Variants in AUTS2 observed in about 807,000 individuals in gnomAD.
AUTS2 encodes activator of transcription and developmental regulator AUTS2.
In AUTS2, 17 loss-of-function variants were observed where a neutral mutation model predicts 112.4. That is an observed-to-expected ratio of 0.15 (90% CI 0.10 to 0.23). The LOEUF is 0.23. AUTS2 is among the 10% of genes least tolerant of loss of function. The pLI is 1.00. For missense variants in AUTS2, 1,510 were observed against 1,701.6 expected (o/e 0.89, Z 1.98); for synonymous variants, 751 against 702.7 (o/e 1.07, Z -1.09).
intron 6 of AUTS2, among the ~76,000 whole-genome samples, chr7:70,725,277 A>T (rs16869191): frequency 0.026 from 3,982 of 152,276 alleles, 203 homozygotes; most frequent in African/African-American, 0.088. Flanking sequence ...GGGAAGGTCC[A>T]TTGTCAGCAC....
chr7:70,125,213 C>A (rs967808313), intron 3 of AUTS2, among the ~76,000 whole-genome samples: 2 of 150,808 alleles, frequency 1.3e-5, no homozygotes, highest in African/African-American at 2.4e-5. Context: ...ATAAACATTA[C>A]TCATTTTGGG....
At chr7:70,577,849 G>C (rs965816233) in intron 5 of AUTS2, among the ~76,000 whole-genome samples, 1 of 141,888 alleles carries the variant, frequency 7.0e-6, no homozygotes, top group African/African-American at 2.7e-5. Flanking sequence ...TTTATTTTTT[G>C]AGATGGAGTC....
intron 6 of AUTS2, among the ~76,000 whole-genome samples, chr7:70,733,594 T>G (rs990404739): frequency 2.0e-5 from 3 of 147,896 alleles, no homozygotes; most frequent in Admixed American, 2.0e-4. Flanking sequence ...GTTAGTTTTT[T>G]GGGTTTTTTT....
At chr7:69,609,072 G>A (rs1393882778) in intron 1 of AUTS2, among the ~76,000 whole-genome samples, 1 of 152,162 alleles carries the variant, frequency 6.6e-6, no homozygotes. Context: ...TAGTGATGTA[G>A]TTCTACCTCT....
intron 1 of AUTS2, among the ~76,000 whole-genome samples, chr7:69,738,841 G>T (rs1787146740): frequency 1.3e-5 from 2 of 152,060 alleles, no homozygotes; most frequent in African/African-American, 2.4e-5. Flanking sequence ...ATTTAGCTCT[G>T]ATTCAGCTGC....
At chr7:69,972,918 A>G (rs184330249) in intron 2 of AUTS2, among the ~76,000 whole-genome samples, 46 of 152,294 alleles carry the variant, frequency 3.0e-4, no homozygotes, top group East Asian at 9.6e-4. Context: ...AAATTGCTTA[A>G]GATAAAATAG....
intron 4 of AUTS2, among the ~76,000 whole-genome samples, chr7:70,408,790 T>G (rs932127394): frequency 2.0e-5 from 3 of 152,200 alleles, no homozygotes; most frequent in Non-Finnish European, 2.9e-5. Context: ...CACACCTTGC[T>G]GTGGGCTTCC....
intron 5 of AUTS2, among the ~76,000 whole-genome samples, chr7:70,548,876 T>G (rs766739896): frequency 6.6e-6 from 1 of 151,974 alleles, no homozygotes; most frequent in African/African-American, 2.4e-5. Flanking sequence ...TTTGGCTTTG[T>G]GTCCTTTGCA....
intron 1 of AUTS2, among the ~76,000 whole-genome samples, chr7:69,747,007 G>A (rs1011184322): frequency 5.9e-5 from 9 of 152,260 alleles, no homozygotes; most frequent in East Asian, 1.9e-4. Flanking sequence ...TTTGAGTGTC[G>A]GAAAGATCGT....
chr7:69,776,104 G>A (rs1023684021), intron 1 of AUTS2, among the ~76,000 whole-genome samples: 2 of 152,148 alleles, frequency 1.3e-5, no homozygotes, highest in South Asian at 4.1e-4. Context: ...CGTGGTTATC[G>A]TCATCATATG....
chr7:69,827,908 T>C (rs1161159296), intron 1 of AUTS2, among the ~76,000 whole-genome samples: 1 of 152,202 alleles, frequency 6.6e-6, no homozygotes, highest in Non-Finnish European at 1.5e-5. Context: ...TCTTTTAATT[T>C]TGCCTCGTGT....
chr7:70,295,498 G>T (rs1406111864), intron 4 of AUTS2, among the ~76,000 whole-genome samples: 1 of 151,786 alleles, frequency 6.6e-6, no homozygotes, highest in Admixed American at 6.6e-5. Flanking sequence ...TTGTTTTTTG[G>T]GTTTTGTTTT....
At chr7:70,278,543 C>T (rs1026517518) in intron 4 of AUTS2, among the ~76,000 whole-genome samples, 3 of 152,068 alleles carry the variant, frequency 2.0e-5, no homozygotes, top group African/African-American at 7.2e-5. Flanking sequence ...TGTCACTGCA[C>T]TCCAGCCTGG....
intron 2 of AUTS2, among the ~76,000 whole-genome samples, chr7:70,000,080 A>G (rs1799116827): frequency 6.6e-6 from 1 of 152,238 alleles, no homozygotes; most frequent in Non-Finnish European, 1.5e-5. Context: ...AGTGCACACA[A>G]ACATGCAAGA....
intron 2 of AUTS2, among the ~76,000 whole-genome samples, chr7:70,074,970 CATT>C (rs1802958533): frequency 1.3e-5 from 2 of 152,176 alleles, no homozygotes; most frequent in African/African-American, 4.8e-5. Flanking sequence ...ACTTTAAGGT[CATT>C]ACTGAGCTTT....
chr7:70,668,044 A>G (rs1230708759), intron 5 of AUTS2, among the ~76,000 whole-genome samples: 1 of 152,196 alleles, frequency 6.6e-6, no homozygotes, highest in Non-Finnish European at 1.5e-5. Flanking sequence ...CAGTGGCACA[A>G]TCTCAGCTCA....
At chr7:69,948,305 T>C (rs1281591151) in intron 2 of AUTS2, among the ~76,000 whole-genome samples, 1 of 152,202 alleles carries the variant, frequency 6.6e-6, no homozygotes, top group Admixed American at 6.5e-5. Context: ...TGGATAGCAT[T>C]GCTCAAAAGA....
rs962818938 is a variant in AUTS2, at chr7:70,242,872, C to T, written c.660+108301C>T. On this transcript the variant is annotated intron_variant, in intron 4 of 18. Coordinates refer to ENST00000342771, the MANE Select transcript of AUTS2 (RefSeq NM_015570.4). ...CAAGAGAGGAAGAGGGGAGAAATGC[C>T]GTGCTTTTCTAGAGGAGCAAATATA... Among the ~76,000 whole-genome samples the T allele has an allele frequency of 1.3e-5, 2 of 152,112 alleles. 1 individual carries two copies. Among genetic ancestry groups the T allele is most frequent in the South Asian group, 4.1e-4 (2 of 4,824 alleles).
intron 2 of AUTS2, among the ~76,000 whole-genome samples, chr7:70,075,970 T>C (rs967402552): frequency 2.0e-5 from 3 of 152,212 alleles, no homozygotes; most frequent in African/African-American, 7.2e-5. Context: ...TACTCAACTC[T>C]GCCACTGTAG....
Sources: gnomAD v4.1 joint callset for allele counts (sites outside exome capture counted in the v4.1 genomes callset) on GRCh38, gnomAD v4.1.1 for gene constraint, MANE v1.5 for transcripts, NCBI Gene and HGNC (gene_info 2026-07-23, HGNC 2026-07-21) for gene names.